The following PDE1C variants were observed in gnomAD, a reference collection of about 807,000 sequenced individuals.
PDE1C encodes the protein phosphodiesterase 1C.
PDE1C carries 62 observed loss-of-function variants against 93.1 expected under a neutral mutation model. The observed-to-expected ratio is 0.67, with a 90% CI of 0.54 to 0.82. PDE1C has a LOEUF of 0.82. Among genes scored for constraint, PDE1C ranks in the 40% least tolerant of loss-of-function variants. The probability of loss-of-function intolerance (pLI) is 0.00; values close to 1 mark genes in which losing one functional copy is unlikely to be tolerated. For synonymous variants in PDE1C, 325 were observed against 310.1 expected, an observed-to-expected ratio of 1.05 and a Z score of -0.50; for missense variants, 742 against 884.6, an observed-to-expected ratio of 0.84 and a Z score of 2.04.
At chr7:31,840,772 C>G (rs118115023) in intron 9 of PDE1C, among the ~76,000 whole-genome samples, 2 of 152,124 alleles carry the variant, frequency 1.3e-5, no homozygotes, top group South Asian at 4.1e-4. Context: ...CCCATAGTTA[C>G]GTATGTCCAT....
intron 3 of PDE1C, chr7:32,077,982 C>A (rs908081203): frequency 9.1e-5 from 90 of 985,318 alleles, no homozygotes; most frequent in Non-Finnish European, 1.0e-4. Context: ...GGCCTCCTGA[C>A]TTCTGGCTCC....
At chr7:31,973,270 G>T (rs550695982) in intron 2 of PDE1C, among the ~76,000 whole-genome samples, 25 of 152,148 alleles carry the variant, frequency 1.6e-4, no homozygotes, top group African/African-American at 5.8e-4. Context: ...ATGGAGAAAA[G>T]AAAGAGTAGA....
At chr7:32,265,728 T>C (rs1810524408) in intron 1 of PDE1C, among the ~76,000 whole-genome samples, 2 of 152,192 alleles carry the variant, frequency 1.3e-5, no homozygotes, top group African/African-American at 2.4e-5. Flanking sequence ...AACAGAGACA[T>C]ATACGTATCC....
intron 2 of PDE1C, among the ~76,000 whole-genome samples, chr7:32,045,814 G>A (rs1433661865): frequency 9.2e-5 from 14 of 152,168 alleles, no homozygotes; most frequent in East Asian, 3.9e-4. Context: ...CAACTGCTTA[G>A]CAGGCAGCCT....
intron 3 of PDE1C, among the ~76,000 whole-genome samples, chr7:32,115,519 C>T (rs139200617): frequency 2.0e-5 from 3 of 151,936 alleles, no homozygotes; most frequent in Non-Finnish European, 2.9e-5. Flanking sequence ...CTAATGCATG[C>T]GGGCCTTAAA....
intron 2 of PDE1C, among the ~76,000 whole-genome samples, chr7:31,922,139 GTC>G (rs1802710980): frequency 6.6e-6 from 1 of 152,156 alleles, no homozygotes; most frequent in Non-Finnish European, 1.5e-5. Flanking sequence ...TGAAAAAGGA[GTC>G]TGCCTTGATA....
chr7:32,146,278 T>G (rs1800830361), intron 3 of PDE1C, among the ~76,000 whole-genome samples: 5 of 152,156 alleles, frequency 3.3e-5, no homozygotes, highest in Non-Finnish European at 7.4e-5. Flanking sequence ...GACCACAACC[T>G]TAGTAGCTTC....
At chr7:32,307,700 G>C (rs1367687873) in intron 1 of PDE1C, among the ~76,000 whole-genome samples, 1 of 152,174 alleles carries the variant, frequency 6.6e-6, no homozygotes, top group Admixed American at 6.5e-5. Context: ...CACGATCAAA[G>C]CACCTGAGCC....
At chr7:32,269,548 C>T (rs1004890838) in intron 1 of PDE1C, among the ~76,000 whole-genome samples, 3 of 152,122 alleles carry the variant, frequency 2.0e-5, no homozygotes, top group Admixed American at 1.3e-4. Context: ...GGCACAGTCT[C>T]GGCTCACTGC....
At chr7:32,034,091 C>T (rs961116259) in intron 2 of PDE1C, among the ~76,000 whole-genome samples, 9 of 123,022 alleles carry the variant, frequency 7.3e-5, no homozygotes, top group African/African-American at 3.3e-4. Context: ...TGTGTTTGCA[C>T]GCATAATGTA....
At chr7:31,632,537 C>T in the PDE1C span, among the ~76,000 whole-genome samples, 8 of 152,182 alleles carry the variant, frequency 5.3e-5, no homozygotes, top group Admixed American at 4.6e-4. Context: ...AGGATATAAA[C>T]TAAACCATTC....
At chr7:32,367,383 A>C (rs1784247980) in intron 1 of PDE1C, among the ~76,000 whole-genome samples, 1 of 152,244 alleles carries the variant, frequency 6.6e-6, no homozygotes, top group Admixed American at 6.5e-5. Flanking sequence ...AAGAGCAAAT[A>C]AAATGATGAG....
chr7:31,758,081 G>C (rs1464003189), intron 17 of PDE1C, among the ~76,000 whole-genome samples: 1 of 152,116 alleles, frequency 6.6e-6, no homozygotes, highest in Non-Finnish European at 1.5e-5. Flanking sequence ...CTTAGTCATA[G>C]GTGGGAATTG....
chr7:32,400,833 C>T (rs1345977192), intron 1 of PDE1C, among the ~76,000 whole-genome samples: 2 of 152,196 alleles, frequency 1.3e-5, no homozygotes, highest in Non-Finnish European at 2.9e-5. Context: ...CAGAAGGTTC[C>T]CTTCCTTATC....
chr7:32,265,328 C>T (rs1032064327), intron 1 of PDE1C, among the ~76,000 whole-genome samples: 1 of 152,196 alleles, frequency 6.6e-6, no homozygotes, highest in Non-Finnish European at 1.5e-5. Context: ...CTGGCCAATG[C>T]ATGCATCCAA....
At chr7:32,420,165 ATGTG>A (rs1282714074) in intron 1 of PDE1C, among the ~76,000 whole-genome samples, 2 of 54,936 alleles carry the variant, frequency 3.6e-5, no homozygotes, top group African/African-American at 5.8e-5. Flanking sequence ...ACACATATAT[ATGTG>A]TATATATATA....
chr7:31,838,355 T>C (rs1791382853), intron 9 of PDE1C, among the ~76,000 whole-genome samples: 1 of 152,328 alleles, frequency 6.6e-6, no homozygotes, highest in South Asian at 2.1e-4. Flanking sequence ...AGGTATTCCA[T>C]CTTTTTAAAA....
chr7:31,692,139 GTC>G, the PDE1C span, among the ~76,000 whole-genome samples: 1 of 152,152 alleles, frequency 6.6e-6, no homozygotes, highest in Non-Finnish European at 1.5e-5. Context: ...CTCTCAATGT[GTC>G]TCTGAGAGAG....
chr7:31,987,036 G>A (rs185628017), intron 2 of PDE1C, among the ~76,000 whole-genome samples: 1 of 152,186 alleles, frequency 6.6e-6, no homozygotes, highest in African/African-American at 2.4e-5. Flanking sequence ...TAAATTAAAT[G>A]AGCATGAGTC....
Sources: gnomAD v4.1 joint callset for allele counts (sites outside exome capture counted in the v4.1 genomes callset) on GRCh38, gnomAD v4.1.1 for gene constraint, MANE v1.5 for transcripts, NCBI Gene and HGNC (gene_info 2026-07-23, HGNC 2026-07-21) for gene names.